DISC1: variants seen among roughly 807,000 people sequenced by gnomAD.
DISC1 encodes the protein DISC1 scaffold protein.
In DISC1, 57 loss-of-function variants were observed where a neutral mutation model predicts 84.5. The ratio of observed to expected loss-of-function variants is 0.67; its 90% CI spans 0.55 to 0.84. The LOEUF is 0.84. Among genes scored for constraint, DISC1 ranks in the 40% least tolerant of loss-of-function variants. DISC1 has a pLI of 0.00. For synonymous variants in DISC1, 411 were observed against 415.2 expected, an observed-to-expected ratio of 0.99 and a Z score of 0.12; for missense variants, 1,000 against 1,057.8, an observed-to-expected ratio of 0.95 and a Z score of 0.76.
intron 9 of DISC1, among the ~76,000 whole-genome samples, chr1:231,837,770 A>G (rs936851194): frequency 2.0e-5 from 3 of 152,344 alleles, no homozygotes; most frequent in Admixed American, 6.5e-5. Flanking sequence ...GGATAAACCT[A>G]CATTAGAATC....
At chr1:231,892,278 A>T (rs902341494) in intron 9 of DISC1, among the ~76,000 whole-genome samples, 2 of 152,154 alleles carry the variant, frequency 1.3e-5, no homozygotes, top group African/African-American at 4.8e-5. Context: ...ATTGGGAATG[A>T]TTTTTCCCAT....
intron 3 of DISC1, among the ~76,000 whole-genome samples, chr1:231,748,938 C>T (rs1451309413): frequency 6.6e-6 from 1 of 152,206 alleles, no homozygotes; most frequent in Non-Finnish European, 1.5e-5. Flanking sequence ...TCAGGGCTTG[C>T]AAGAACTGTG....
intron 3 of DISC1, among the ~76,000 whole-genome samples, chr1:231,740,950 T>C (rs2073181333): frequency 6.6e-6 from 1 of 152,208 alleles, no homozygotes. Flanking sequence ...ATTTTTGGAT[T>C]AGAGATGCTC....
intron 1 of DISC1, among the ~76,000 whole-genome samples, chr1:231,666,124 A>G (rs1016590427): frequency 6.6e-6 from 1 of 152,110 alleles, no homozygotes; most frequent in Non-Finnish European, 1.5e-5. Flanking sequence ...AGATCTCTTC[A>G]ATGCAATCAA....
Position 232,009,444 on chromosome 1 carries a change from G to A in DISC1, c.2307+395G>A. ...ATATACTATACATTATGTATTGTATGTCATATATGATGTTTATATATTTAG... is the reference window on the plus strand; with the variant it reads ...ATATACTATACATTATGTATTGTATATCATATATGATGTTTATATATTTAG... On this transcript the variant is annotated intron_variant, in intron 11 of 12. Transcript: ENST00000439617. This position sits in a 1 kb window ranked among gnomAD's most constrained non-coding sequence, Gnocchi z 4.6. 2 of 550,558 alleles carry A rather than the reference G, an allele frequency of 3.6e-6. No homozygotes were observed. Among genetic ancestry groups the A allele is most frequent in the Non-Finnish European group, 4.4e-6 (2 of 453,548 alleles). 34.1% of individuals were successfully genotyped at this position (550,558 alleles called of 1,614,324 possible). A position where few individuals can be genotyped will look rare whatever the true frequency, so the allele number is the denominator to read the frequency against.
chr1:231,706,114 A>G (rs1350788303), intron 3 of DISC1, among the ~76,000 whole-genome samples: 4 of 152,196 alleles, frequency 2.6e-5, no homozygotes, highest in Non-Finnish European at 5.9e-5. Context: ...CTCCATCACT[A>G]GGGAAGTAAA....
At chr1:231,627,360 G>A (rs1305438872) in intron 1 of DISC1, among the ~76,000 whole-genome samples, 4 of 152,226 alleles carry the variant, frequency 2.6e-5, no homozygotes, top group Admixed American at 6.5e-5. Flanking sequence ...GACAGGGGAC[G>A]TCCCGCCCGC....
chr1:231,886,766 C>CCTTTCTTT (rs3084378), intron 9 of DISC1, among the ~76,000 whole-genome samples: 1,142 of 84,278 alleles, frequency 0.014, 16 homozygotes, highest in East Asian at 0.022. Context: ...TTCCTTCCTT[C>CCTTTCTTT]CTTTCTTTCT....
At chr1:231,652,867 C>T (rs2060753601) in intron 1 of DISC1, among the ~76,000 whole-genome samples, 1 of 152,186 alleles carries the variant, frequency 6.6e-6, no homozygotes, top group Admixed American at 6.5e-5. Context: ...GCAACCTCCA[C>T]CTACCTGGTT....
At chr1:231,917,243 C>T (rs1179516257) in intron 9 of DISC1, among the ~76,000 whole-genome samples, 1 of 152,164 alleles carries the variant, frequency 6.6e-6, no homozygotes, top group Non-Finnish European at 1.5e-5. Flanking sequence ...CTACCTTTTC[C>T]CTGCGGCATT....
chr1:231,825,897 A>G (rs74522077), intron 9 of DISC1, among the ~76,000 whole-genome samples: 3,165 of 152,280 alleles, frequency 0.021, 103 homozygotes, highest in African/African-American at 0.071. Flanking sequence ...TTCTTCCTCC[A>G]TTGCTCTTTA....
In DISC1 at chr1:231,736,962, C is replaced by G. The variant is rs144556688; in HGVS notation, c.1118-12964C>G. The stretch of plus-strand genomic sequence containing the variant: ...GAAGATTTCTTGCTGCTTATAAATG[C>G]TTATTTGATTATTTATTCATAGATA... On this transcript the variant is annotated intron_variant, in intron 3 of 12. Transcript: ENST00000439617. Among the ~76,000 whole-genome samples the G allele has an allele frequency of 1.6e-3, 245 of 152,284 alleles. 1 individual carries two copies. The highest frequency in any genetic ancestry group is 5.5e-3 in the African/African-American group (229 of 41,566).
intron 10 of DISC1, among the ~76,000 whole-genome samples, chr1:231,964,218 T>C (rs1407590780): frequency 6.6e-6 from 1 of 152,150 alleles, no homozygotes; most frequent in African/African-American, 2.4e-5. Context: ...CCAATAAACA[T>C]GTATTGAATG....
chr1:232,027,436 A>G (rs1669583047), intron 12 of DISC1, among the ~76,000 whole-genome samples: 1 of 152,192 alleles, frequency 6.6e-6, no homozygotes, highest in Non-Finnish European at 1.5e-5. Context: ...AAACACCTTC[A>G]TCAAAACTAG....
At chr1:231,740,755 A>G (rs992893972) in intron 3 of DISC1, among the ~76,000 whole-genome samples, 13 of 152,188 alleles carry the variant, frequency 8.5e-5, no homozygotes, top group African/African-American at 2.4e-4. Context: ...TGTTTTTTGT[A>G]CATCTTATAC....
At chr1:231,955,302 C>G (rs1287437973) in intron 9 of DISC1, among the ~76,000 whole-genome samples, 1 of 152,160 alleles carries the variant, frequency 6.6e-6, no homozygotes, top group Non-Finnish European at 1.5e-5. Context: ...ACTCCAGACT[C>G]AGATATCCAA....
intron 3 of DISC1, among the ~76,000 whole-genome samples, chr1:231,747,730 A>G (rs2074164643): frequency 6.6e-6 from 1 of 151,938 alleles, no homozygotes; most frequent in South Asian, 2.1e-4. Context: ...GCTTATGATT[A>G]CTTTGGTTAT....
intron 12 of DISC1, among the ~76,000 whole-genome samples, chr1:232,028,683 C>T (rs1310684382): frequency 1.3e-5 from 2 of 152,102 alleles, no homozygotes; most frequent in Non-Finnish European, 2.9e-5. Flanking sequence ...TGGGTAAGTG[C>T]ATGATTTTAG....
intron 9 of DISC1, among the ~76,000 whole-genome samples, chr1:231,912,569 T>C (rs1443524296): frequency 6.6e-6 from 1 of 152,170 alleles, no homozygotes; most frequent in African/African-American, 2.4e-5. Context: ...CACCTGGCCA[T>C]ATGGGGTGTC....
Sources: allele counts gnomAD v4.1 joint callset (sites outside exome capture counted in the v4.1 genomes callset), GRCh38; gene constraint gnomAD v4.1.1; non-coding constraint Gnocchi (gnomAD v3.1); transcripts MANE v1.5; gene names NCBI Gene and HGNC (gene_info 2026-07-23, HGNC 2026-07-21).